The following FRAS1 variants were observed in gnomAD, a reference collection of about 807,000 sequenced individuals.
FRAS1 encodes extracellular matrix organizing protein FRAS1.
In FRAS1, 290 loss-of-function variants were observed where a neutral mutation model predicts 435.2. The ratio of observed to expected loss-of-function variants is 0.67; its 90% CI spans 0.61 to 0.73. The LOEUF (loss-of-function observed/expected upper bound fraction) is 0.73. Among genes scored for constraint, FRAS1 ranks in the 30% least tolerant of loss-of-function variants. FRAS1 has a pLI of 0.00. For missense variants in FRAS1, 4,860 were observed against 5,001.5 expected (o/e 0.97, Z 0.85); for synonymous variants, 1,800 against 1,851.0 (o/e 0.97, Z 0.71).
chr4:78,529,098 T>A (rs1721632850), intron 70 of FRAS1, among the ~76,000 whole-genome samples: 1 of 152,054 alleles, frequency 6.6e-6, no homozygotes, highest in Non-Finnish European at 1.5e-5. Context: ...GTGAACAAGC[T>A]GTTTGGAGGT....
rs975927447 is a variant in FRAS1 at position 78,214,757 on chromosome 4, CCTGGCTGTTG to C, written c.109-22743_109-22734del. ...TGGGCAAGTGAGTTGTGCAGCTTTA[CCTGGCTGTTG>C]CTGGCTGTTTATTTTAATTTGTCTC... On this transcript the variant is annotated intron_variant, in intron 2 of 73. Coordinates refer to ENST00000512123, the MANE Select transcript of FRAS1 (RefSeq NM_025074.7). Among the ~76,000 whole-genome samples the C allele has an allele frequency of 6.7e-4, 102 of 152,210 alleles. 1 individual carries two copies. The highest frequency in any genetic ancestry group is 3.8e-4 in the Non-Finnish European group (26 of 68,042).
At chr4:78,524,669 T>A (rs571401359) in intron 69 of FRAS1, among the ~76,000 whole-genome samples, 1 of 152,276 alleles carries the variant, frequency 6.6e-6, no homozygotes, top group East Asian at 1.9e-4. Context: ...GTTCAACAAG[T>A]ATTTATGGAA....
At chr4:78,126,256 A>C (rs1472970138) in intron 2 of FRAS1, among the ~76,000 whole-genome samples, 1 of 151,994 alleles carries the variant, frequency 6.6e-6, no homozygotes, top group Non-Finnish European at 1.5e-5. Context: ...GACCATGGGC[A>C]AGGCACAGTA....
chr4:78,232,068 T>C (rs1724539842), intron 2 of FRAS1, among the ~76,000 whole-genome samples: 1 of 152,206 alleles, frequency 6.6e-6, no homozygotes, highest in Admixed American at 6.5e-5. Context: ...TTTACAATGT[T>C]ATTACTTTGG....
chr4:78,456,137 A>AC (rs1719187429), intron 47 of FRAS1, among the ~76,000 whole-genome samples: 1 of 52,746 alleles, frequency 1.9e-5, no homozygotes, highest in Admixed American at 1.9e-4. Context: ...AACACATGTC[A>AC]CTTTTTTTTT....
intron 2 of FRAS1, among the ~76,000 whole-genome samples, chr4:78,083,173 G>C (rs1295352150): frequency 1.3e-5 from 2 of 152,074 alleles, no homozygotes; most frequent in Non-Finnish European, 2.9e-5. Context: ...GCAGGGGTAT[G>C]GTGCTCCAGT....
intron 2 of FRAS1, among the ~76,000 whole-genome samples, chr4:78,169,412 C>T (rs1010079735): frequency 2.0e-5 from 3 of 151,976 alleles, no homozygotes; most frequent in Non-Finnish European, 2.9e-5. Context: ...TCGACTCTGC[C>T]GCTTACCTGG....
chr4:78,472,032 C>T, intron 51 of FRAS1, 148 bp from the exon 52 acceptor site: 1 of 788,446 alleles, frequency 1.3e-6, no homozygotes, highest in Non-Finnish European at 2.0e-6. Context: ...GGTTTTCATC[C>T]TCATAGCCTC....
chr4:78,401,391 G>C (rs1293566460), intron 30 of FRAS1, among the ~76,000 whole-genome samples: 1 of 152,166 alleles, frequency 6.6e-6, no homozygotes, highest in African/African-American at 2.4e-5. Context: ...CAGAAATGCT[G>C]GATAAAATAT....
chr4:78,243,098 C>T (rs1391915969), intron 3 of FRAS1, among the ~76,000 whole-genome samples: 2 of 152,078 alleles, frequency 1.3e-5, no homozygotes, highest in African/African-American at 2.4e-5. Context: ...CAAAGGAGCA[C>T]GGCATTACGT....
At chr4:78,314,643 G>A (rs1252751930) in intron 15 of FRAS1, among the ~76,000 whole-genome samples, 1 of 152,160 alleles carries the variant, frequency 6.6e-6, no homozygotes, top group Non-Finnish European at 1.5e-5. Flanking sequence ...TCAGGCCATA[G>A]GTTTCTATAA....
rs544215066 is a variant in FRAS1, at chr4:78,332,279, C to T, written c.2138-993C>T. The stretch of plus-strand genomic sequence containing the variant: ...TTTACTATCTCCAGGAATGTAGCCC[C>T]GGGAGGGCCAGTCTCTCCAAAATCT... On this transcript the variant is annotated intron_variant, in intron 18 of 73. Transcript: ENST00000512123. Among the ~76,000 whole-genome samples, 16 of 152,156 alleles carry T rather than the reference C, an allele frequency of 1.1e-4. 1 individual carries two copies. In the South Asian group the frequency reaches 1.9e-3, roughly 18 times the overall value.
At chr4:78,487,139 C>G (rs1048125948) in intron 58 of FRAS1, among the ~76,000 whole-genome samples, 3 of 152,150 alleles carry the variant, frequency 2.0e-5, no homozygotes, top group Admixed American at 2.0e-4. Flanking sequence ...CATTGCCATC[C>G]ACCTTTTAGC....
At chr4:78,446,547 TG>T in intron 42 of FRAS1, 179 bp from the exon 43 acceptor site, 1 of 1,370,588 alleles carries the variant, frequency 7.3e-7, no homozygotes, top group Non-Finnish European at 9.3e-7. Context: ...GGGGGCATTT[TG>T]TTGCCTGGAC....
chr4:78,374,705 A>G (rs558890413), intron 25 of FRAS1, among the ~76,000 whole-genome samples: 3 of 152,200 alleles, frequency 2.0e-5, no homozygotes, highest in Non-Finnish European at 4.4e-5. Flanking sequence ...CTCAAGTTGA[A>G]CCCCAAGTCT....
At chr4:78,307,767 G>A (rs1204416577) in intron 14 of FRAS1, among the ~76,000 whole-genome samples, 1 of 152,210 alleles carries the variant, frequency 6.6e-6, no homozygotes, top group African/African-American at 2.4e-5. Flanking sequence ...GCATTCCTTA[G>A]TGAGATCAAC....
At chr4:78,516,360 T>G (rs747092449) in intron 66 of FRAS1, among the ~76,000 whole-genome samples, 21 of 152,234 alleles carry the variant, frequency 1.4e-4, no homozygotes, top group Non-Finnish European at 2.6e-4. Context: ...ATTACTACAT[T>G]GATATATTCT....
intron 20 of FRAS1, among the ~76,000 whole-genome samples, chr4:78,359,189 C>T (rs1730978145): frequency 7.5e-6 from 1 of 132,942 alleles, no homozygotes; most frequent in South Asian, 2.4e-4. Context: ...CATCCCCGGG[C>T]TTGTACCTGA....
chr4:78,473,730 T>G, intron 53 of FRAS1, 133 bp downstream of exon 53: 1 of 606,308 alleles, frequency 1.6e-6, no homozygotes, highest in Non-Finnish European at 2.7e-6. Context: ...GTGATAAAAG[T>G]AATAATTTCA....
Sources: allele counts gnomAD v4.1 joint callset (sites outside exome capture counted in the v4.1 genomes callset), GRCh38; gene constraint gnomAD v4.1.1; transcripts MANE v1.5; gene names NCBI Gene and HGNC (gene_info 2026-07-23, HGNC 2026-07-21).